Variants in TRRAP observed in about 807,000 individuals in gnomAD.
TRRAP encodes the protein transformation/transcription domain associated protein.
Under a neutral mutation model 438.8 loss-of-function variants are expected in TRRAP, and 41 were observed. The ratio of observed to expected loss-of-function variants is 0.09; its 90% CI spans 0.07 to 0.12. The LOEUF (loss-of-function observed/expected upper bound fraction) is 0.12. TRRAP is among the 10% of genes least tolerant of loss of function. The pLI, the probability that TRRAP is intolerant of heterozygous loss-of-function variation, is 1.00. For synonymous variants in TRRAP, 1,994 were observed against 1,962.9 expected (o/e 1.02, Z -0.42); for missense variants, 3,122 against 5,055.1 (o/e 0.62, Z 11.60).
chr7:98,967,215 C>G (rs1006049528), intron 50 of TRRAP, 53 bp downstream of exon 50: 1 of 1,570,840 alleles, frequency 6.4e-7, no homozygotes, highest in African/African-American at 1.4e-5. Flanking sequence ...AATGTGCTCC[C>G]CGGCCAGCCA....
At chr7:98,889,380 T>G (rs1365052353) in intron 3 of TRRAP, among the ~76,000 whole-genome samples, 1 of 152,092 alleles carries the variant, frequency 6.6e-6, no homozygotes, top group Non-Finnish European at 1.5e-5. Context: ...TTCATAAACT[T>G]TGCATATATT....
At chr7:98,951,479 G>A (rs77699735) in intron 39 of TRRAP, among the ~76,000 whole-genome samples, 2 of 152,232 alleles carry the variant, frequency 1.3e-5, no homozygotes, top group Admixed American at 6.5e-5. Flanking sequence ...AAATGAGCTC[G>A]GTTTTAATAT....
chr7:98,919,373 GGAGCATTGCTT>G (rs1356670187), intron 20 of TRRAP, among the ~76,000 whole-genome samples: 1 of 152,226 alleles, frequency 6.6e-6, no homozygotes, highest in Non-Finnish European at 1.5e-5. Context: ...GGCCGAGGCA[GGAGCATTGCTT>G]GAGCCTAGGA....
rs919632543 is a variant in TRRAP, at chr7:98,981,475, G to A, written c.8635-294G>A. On this transcript the variant is annotated intron_variant, in intron 58 of 72. Transcript: ENST00000456197. Reference sequence around the variant, plus strand: ...ATTTTTCATCTGATCTGTCATAACAGCATTGATCAGTTTCTTTTCTTTGGA... The same window carrying A: ...ATTTTTCATCTGATCTGTCATAACAACATTGATCAGTTTCTTTTCTTTGGA... Among the ~76,000 whole-genome samples the A allele has an allele frequency of 2.6e-5, 4 of 152,208 alleles. 1 individual carries two copies. Among genetic ancestry groups the A allele is most frequent in the Admixed American group, 1.3e-4 (2 of 15,290 alleles).
At chr7:98,930,905 C>T (rs1790295473) in intron 25 of TRRAP, 75 bp downstream of exon 25, 2 of 1,566,720 alleles carry the variant, frequency 1.3e-6, no homozygotes, top group Admixed American at 1.8e-5. Flanking sequence ...CTATAAGATC[C>T]TTCTGCAAAT....
In TRRAP at chr7:98,912,061, G is replaced by C. The variant is rs1554408876; in HGVS notation, c.2047G>C (p.Ala683Pro). Residue 683 changes from alanine to proline, a missense_variant, in exon 18 of 73, where the codon GCT becomes CCT. Physicochemically the swap from Ala to Pro is conservative, Grantham distance 27. Around this residue, in one of 24 missense-constraint regions of TRRAP, gnomAD observed 149 missense variants for 302.8 expected, o/e 0.49. Coordinates refer to ENST00000456197, the MANE Select transcript of TRRAP (RefSeq NM_001375524.1). The part of the protein sequence containing the change: ...NSFLANPTTS[A>P]LFATILVEYL... ...CTTCTTGGCAAATCCTACTACCTCT[G>C]CTCTGTTTGCTACGATTCTGGTGGA... The C allele has an allele frequency of 2.5e-6, 4 of 1,614,080 alleles. No homozygotes were observed. The South Asian group carries it at 4.4e-5, about 18-fold the overall frequency.
At chr7:98,961,122 T>C (rs1791873089) in intron 45 of TRRAP, 139 bp from the exon 46 acceptor site, 1 of 715,300 alleles carries the variant, frequency 1.4e-6, no homozygotes, top group African/African-American at 1.8e-5. Context: ...TGAAATACGA[T>C]TGTCATTCTC....
At chr7:98,928,652 A>G (rs1282177778) in intron 23 of TRRAP, among the ~76,000 whole-genome samples, 2 of 152,060 alleles carry the variant, frequency 1.3e-5, no homozygotes, top group Non-Finnish European at 2.9e-5. Context: ...TTGTTGTTGT[A>G]TGTTAGGAAT....
At chr7:98,993,898 T>C (rs1429500782) in intron 66 of TRRAP, among the ~76,000 whole-genome samples, 161 bp downstream of exon 66, 1 of 152,168 alleles carries the variant, frequency 6.6e-6, no homozygotes, top group Non-Finnish European at 1.5e-5. Context: ...CTCTGCACAC[T>C]AGTACAGCCT....
intron 3 of TRRAP, among the ~76,000 whole-genome samples, chr7:98,886,475 GATAGAT>G (rs1234249846): frequency 6.6e-6 from 1 of 151,972 alleles, no homozygotes; most frequent in East Asian, 1.9e-4. Context: ...GAGAGATAGA[GATAGAT>G]ATAGATATCT....
chr7:98,987,148 A>G (rs1214512547), intron 62 of TRRAP, among the ~76,000 whole-genome samples: 1 of 152,160 alleles, frequency 6.6e-6, no homozygotes, highest in Non-Finnish European at 1.5e-5. Context: ...AAATCCGTTG[A>G]CCATTTTTTG....
At chr7:98,898,131 T>A (rs1318216531) in intron 8 of TRRAP, among the ~76,000 whole-genome samples, 1 of 152,156 alleles carries the variant, frequency 6.6e-6, no homozygotes, top group Non-Finnish European at 1.5e-5. Flanking sequence ...GTGTGGGGTG[T>A]CTGTTCTGTC....
At chr7:98,940,826 A>T (rs566184292) in intron 30 of TRRAP, among the ~76,000 whole-genome samples, 23 of 152,178 alleles carry the variant, frequency 1.5e-4, no homozygotes, top group Non-Finnish European at 2.6e-4. Flanking sequence ...GGTAAGGGAC[A>T]CACTTTTCCC....
At chr7:98,917,768 A>G in intron 20 of TRRAP, 89 bp downstream of exon 20, 2 of 1,495,846 alleles carry the variant, frequency 1.3e-6, no homozygotes, top group Non-Finnish European at 1.8e-6. Context: ...TGGGCTCTGC[A>G]AGATGGACCA....
rs180988489 is a variant in TRRAP at position 98,915,321 on chromosome 7, T to C, written c.2200-402T>C. Among the ~76,000 whole-genome samples the C allele has an allele frequency of 9.9e-5, 15 of 152,212 alleles. No individual in the cohort carries two copies. In the East Asian group the frequency reaches 2.9e-3, roughly 29 times the overall value. On this transcript the variant is annotated intron_variant, in intron 18 of 72. Coordinates refer to ENST00000456197, the MANE Select transcript of TRRAP (RefSeq NM_001375524.1). ...AATTCTCTTGCCTCAGCCTCCCTAA[T>C]AGCTGGGATTACCAGCGTGTGCCAC...
rs747595776 is a variant in TRRAP at position 98,976,980 on chromosome 7, A to G, written c.8289A>G (p.Gln2763=). 4 of 1,614,176 alleles carry G rather than the reference A, an allele frequency of 2.5e-6. No homozygotes were observed. The highest frequency in any genetic ancestry group is 1.1e-5 in the South Asian group (1 of 91,080). ...DSLAELYSLL[Q]EEDMWAGLWQ... is the part of the protein sequence containing the mutation. ...TTGCGGAGCTTTACTCCCTGTTACA[A>G]GAGGAAGATATGTGGGCTGGTCTGT... Residue 2763 remains glutamine, a synonymous_variant, in exon 56 of 73, where the codon CAA becomes CAG. Coordinates refer to ENST00000456197, the MANE Select transcript of TRRAP (RefSeq NM_001375524.1). This position sits in a 1 kb window ranked among gnomAD's most constrained non-coding sequence, Gnocchi z 4.6.
intron 51 of TRRAP, among the ~76,000 whole-genome samples, chr7:98,968,649 A>G (rs1339666446): frequency 1.4e-4 from 21 of 152,160 alleles, no homozygotes; most frequent in Admixed American, 1.4e-3. Context: ...GAATGAAACC[A>G]GGTCACCACG....
At chr7:98,953,588 C>T (rs1554418793) in intron 40 of TRRAP, among the ~76,000 whole-genome samples, 155 bp downstream of exon 40, 1 of 151,480 alleles carries the variant, frequency 6.6e-6, no homozygotes, top group Non-Finnish European at 1.5e-5. Flanking sequence ...CTTAGAAGAC[C>T]ATAGGGCACT....
chr7:98,979,316 A>G (rs1244915976), intron 58 of TRRAP, among the ~76,000 whole-genome samples: 5 of 152,200 alleles, frequency 3.3e-5, no homozygotes, highest in Admixed American at 2.6e-4. Flanking sequence ...TCCCTGATAT[A>G]AAACGGTGTA....
Sources: allele counts gnomAD v4.1 joint callset (sites outside exome capture counted in the v4.1 genomes callset), GRCh38; gene constraint gnomAD v4.1.1; regional missense constraint gnomAD v4.1.1; non-coding constraint Gnocchi (gnomAD v3.1); transcripts MANE v1.5; gene names NCBI Gene and HGNC (gene_info 2026-07-23, HGNC 2026-07-21).